The following MATN2 variants were observed in gnomAD, a reference collection of about 807,000 sequenced individuals.
The protein encoded by MATN2 is matrilin 2, also known as matrilin-2.
MATN2 carries 69 observed loss-of-function variants against 103.2 expected under a neutral mutation model. The observed-to-expected ratio is 0.67, with a 90% CI of 0.55 to 0.82. MATN2 has a LOEUF of 0.82. MATN2 is among the 40% of genes least tolerant of loss of function. MATN2 has a pLI of 0.00. For synonymous variants in MATN2, 429 were observed against 450.2 expected, an observed-to-expected ratio of 0.95 and a Z score of 0.60; for missense variants, 1,023 against 1,211.5, an observed-to-expected ratio of 0.84 and a Z score of 2.31.
intron 13 of MATN2, among the ~76,000 whole-genome samples, chr8:98,026,252 T>A (rs1366260511): frequency 7.0e-6 from 1 of 143,502 alleles, no homozygotes; most frequent in South Asian, 2.2e-4. Flanking sequence ...TTTTTTTTAA[T>A]TTTGTTTTTT....
intron 14 of MATN2, among the ~76,000 whole-genome samples, chr8:98,030,089 G>A (rs1241465148): frequency 6.6e-6 from 1 of 152,186 alleles, no homozygotes; most frequent in African/African-American, 2.4e-5. Flanking sequence ...GTCATAAATT[G>A]ACTTGATTCT....
chr8:97,924,906 G>A (rs1809942562), intron 2 of MATN2, among the ~76,000 whole-genome samples: 1 of 152,110 alleles, frequency 6.6e-6, no homozygotes, highest in South Asian at 2.1e-4. Flanking sequence ...CATGAGTATA[G>A]CTTGGTGGTT....
At position 97,931,472 on chromosome 8, in the gene MATN2, A is replaced by G. The variant is rs754832592; in HGVS notation, c.662A>G (p.Asn221Ser). The G allele has an allele frequency of 6.2e-6, 10 of 1,613,270 alleles. No homozygotes were observed. The highest frequency in any genetic ancestry group is 2.2e-5 in the South Asian group (2 of 91,004). The change falls in exon 3 of 19, where the codon AAT becomes AGT. Residue 221 changes from asparagine (N) to serine (S), a missense_variant. Coordinates refer to ENST00000254898, the MANE Select transcript of MATN2 (RefSeq NM_002380.5). The surrounding 1 kb of genome is among the most constrained non-coding windows in gnomAD (Gnocchi z 4.1). Reference sequence around the variant, plus strand: ...GAGGACCATGTCTTCCTTGTGGCCAATTTCAGCCAGATTGAGACGCTGACC... The same window carrying G: ...GAGGACCATGTCTTCCTTGTGGCCAGTTTCAGCCAGATTGAGACGCTGACC... Reference protein sequence around the residue: ...PHEDHVFLVANFSQIETLTSV... With the variant: ...PHEDHVFLVASFSQIETLTSV...
intron 3 of MATN2, among the ~76,000 whole-genome samples, chr8:97,936,793 G>A (rs1247870891): frequency 3.9e-5 from 6 of 152,292 alleles, no homozygotes; most frequent in Admixed American, 2.6e-4. Context: ...CACCGCAAAG[G>A]CCCATCCCAC....
chr8:98,006,738 C>G (rs1268300522), intron 8 of MATN2, among the ~76,000 whole-genome samples: 2 of 152,200 alleles, frequency 1.3e-5, no homozygotes, highest in Non-Finnish European at 2.9e-5. Context: ...ACACCAGGGA[C>G]AGCATTCCCC....
chr8:97,885,162 T>C (rs1260098176), intron 1 of MATN2, among the ~76,000 whole-genome samples: 1 of 152,262 alleles, frequency 6.6e-6, no homozygotes, highest in African/African-American at 2.4e-5. Context: ...TTCCAAGTGT[T>C]GAGTGCATAT....
intron 11 of MATN2, among the ~76,000 whole-genome samples, 191 bp downstream of exon 11, chr8:98,016,853 A>G (rs1212237743): frequency 6.6e-6 from 1 of 152,252 alleles, no homozygotes; most frequent in Non-Finnish European, 1.5e-5. Flanking sequence ...TCAATAAAAT[A>G]TAGACTTTAG....
intron 1 of MATN2, among the ~76,000 whole-genome samples, chr8:97,880,364 A>AGAGCTG (rs1309160731): frequency 7.9e-5 from 12 of 152,198 alleles, no homozygotes; most frequent in African/African-American, 2.9e-4. Context: ...AGAAAGAGAA[A>AGAGCTG]GAGCTGGAGT....
intron 2 of MATN2, among the ~76,000 whole-genome samples, chr8:97,924,943 G>A (rs187995119): frequency 1.6e-4 from 24 of 152,198 alleles, no homozygotes; most frequent in Admixed American, 9.8e-4. Flanking sequence ...GAGCCATCAC[G>A]ATGGGTTCAG....
At chr8:98,034,791 T>G (rs1814175519) in intron 18 of MATN2, among the ~76,000 whole-genome samples, 1 of 152,138 alleles carries the variant, frequency 6.6e-6, no homozygotes, top group Non-Finnish European at 1.5e-5. Flanking sequence ...ATATCTTACT[T>G]TCCAAGGCCG....
rs73276322 is a variant in MATN2, at chr8:97,900,052, A to G, written c.142+11810A>G. ...GGGCTGAAGATGGGACAGGAGTGCA[A>G]TCTAACCAGGATGTGAAACCAAGTC... On this transcript the variant is annotated intron_variant, in intron 2 of 18. Coordinates refer to ENST00000254898, the MANE Select transcript of MATN2 (RefSeq NM_002380.5). 1.3e-3 allele frequency among the ~76,000 whole-genome samples: 192 copies of G among 152,328 alleles called. 1 individual carries two copies. In the East Asian group the frequency reaches 0.019, roughly 15 times the overall value.
At chr8:97,881,635 G>A (rs1818256640) in intron 1 of MATN2, among the ~76,000 whole-genome samples, 1 of 152,184 alleles carries the variant, frequency 6.6e-6, no homozygotes, top group Non-Finnish European at 1.5e-5. Context: ...TCTCAGCACA[G>A]AAATTCTTCT....
chr8:97,911,510 C>G (rs1480132233), intron 2 of MATN2, among the ~76,000 whole-genome samples: 1 of 151,760 alleles, frequency 6.6e-6, no homozygotes, highest in Non-Finnish European at 1.5e-5. Context: ...ATATCGAGAC[C>G]ATCCTGGCCA....
intron 5 of MATN2, 50 bp downstream of exon 5, chr8:97,961,580 G>C (rs746995978): frequency 2.2e-5 from 34 of 1,556,806 alleles, no homozygotes; most frequent in Non-Finnish European, 2.8e-5. Context: ...GTTAAGCATG[G>C]TGAGGAGGAG....
chr8:97,998,512 T>G (rs1390406994), intron 7 of MATN2, among the ~76,000 whole-genome samples: 1 of 100,402 alleles, frequency 1.0e-5, no homozygotes, highest in Non-Finnish European at 2.0e-5. Context: ...ACAGTGAGAC[T>G]CTGTCTCAAA....
At chr8:98,024,330 C>A (rs1229242213) in intron 13 of MATN2, among the ~76,000 whole-genome samples, 1 of 152,138 alleles carries the variant, frequency 6.6e-6, no homozygotes, top group Non-Finnish European at 1.5e-5. Flanking sequence ...CATGGAGAAA[C>A]CCTGTCTCTA....
chr8:97,929,429 A>G (rs947461000), intron 2 of MATN2, among the ~76,000 whole-genome samples: 2 of 152,192 alleles, frequency 1.3e-5, no homozygotes, highest in African/African-American at 4.8e-5. Flanking sequence ...AGAATGGGGG[A>G]GGAGGGACTC....
At chr8:97,988,253 A>C (rs1286055931) in intron 6 of MATN2, among the ~76,000 whole-genome samples, 1 of 148,790 alleles carries the variant, frequency 6.7e-6, no homozygotes, top group Non-Finnish European at 1.5e-5. Context: ...AATCATAAAC[A>C]AGTTTATGCC....
chr8:97,883,473 G>A (rs977647527), intron 1 of MATN2, among the ~76,000 whole-genome samples: 28 of 151,466 alleles, frequency 1.8e-4, no homozygotes, highest in Middle Eastern at 6.8e-3. Context: ...CTGCCACCTC[G>A]ACCTCTCGGG....
Sources: allele counts gnomAD v4.1 joint callset (sites outside exome capture counted in the v4.1 genomes callset), GRCh38; gene constraint gnomAD v4.1.1; non-coding constraint Gnocchi (gnomAD v3.1); transcripts MANE v1.5; gene names NCBI Gene and HGNC (gene_info 2026-07-23, HGNC 2026-07-21).